The following SMYD3 variants were observed in gnomAD, a reference collection of about 807,000 sequenced individuals.
The protein encoded by SMYD3 is histone-lysine N-methyltransferase SMYD3.
SMYD3 carries 36 observed loss-of-function variants against 57.7 expected under a neutral mutation model. The ratio of observed to expected loss-of-function variants is 0.62; its 90% confidence interval spans 0.48 to 0.82. SMYD3 has a LOEUF of 0.82. Ranked by LOEUF, SMYD3 falls within the 40% of genes least tolerant of loss-of-function variation. The pLI is 0.00. For synonymous variants in SMYD3, 211 were observed against 195.0 expected (o/e 1.08, Z -0.68); for missense variants, 515 against 538.8 (o/e 0.96, Z 0.44).
chr1:245,762,731 G>A (rs1364651522), intron 11 of SMYD3, among the ~76,000 whole-genome samples: 1 of 152,226 alleles, frequency 6.6e-6, no homozygotes, highest in African/African-American at 2.4e-5. Context: ...TGTGGAATCT[G>A]GCTTTTAAGA....
intron 5 of SMYD3, among the ~76,000 whole-genome samples, chr1:245,953,048 G>C (rs529866702): frequency 6.6e-6 from 1 of 152,270 alleles, no homozygotes; most frequent in South Asian, 2.1e-4. Flanking sequence ...GAGGCTCTAA[G>C]AATCTAAAAG....
chr1:246,319,903 T>C (rs1572375475), intron 5 of SMYD3, among the ~76,000 whole-genome samples: 1 of 152,320 alleles, frequency 6.6e-6, no homozygotes, highest in Non-Finnish European at 1.5e-5. Flanking sequence ...TTTCCCTCCA[T>C]GCTGATTTAT....
At chr1:246,243,007 G>A (rs961790605) in intron 5 of SMYD3, among the ~76,000 whole-genome samples, 3 of 152,122 alleles carry the variant, frequency 2.0e-5, no homozygotes, top group African/African-American at 7.2e-5. Context: ...AATAATGGGA[G>A]ACATTAACGC....
intron 5 of SMYD3, among the ~76,000 whole-genome samples, chr1:245,981,597 A>G (rs1398490629): frequency 6.6e-6 from 1 of 152,242 alleles, no homozygotes; most frequent in African/African-American, 2.4e-5. Flanking sequence ...ATAAATACAA[A>G]TGCTCAAGGT....
At chr1:246,018,176 T>A (rs2148216836) in intron 5 of SMYD3, among the ~76,000 whole-genome samples, 1 of 152,256 alleles carries the variant, frequency 6.6e-6, no homozygotes, top group South Asian at 2.1e-4. Flanking sequence ...AAGATCTGCA[T>A]CTATGTTTAT....
At chr1:245,789,745 G>T (rs972829686) in intron 10 of SMYD3, among the ~76,000 whole-genome samples, 10 of 152,128 alleles carry the variant, frequency 6.6e-5, no homozygotes, top group Admixed American at 5.2e-4. Flanking sequence ...CCAAAACATT[G>T]TTGGGACAAA....
chr1:246,060,887 T>C (rs1158565550), intron 5 of SMYD3, among the ~76,000 whole-genome samples: 1 of 152,228 alleles, frequency 6.6e-6, no homozygotes, highest in Non-Finnish European at 1.5e-5. Flanking sequence ...TTCCTTTTCA[T>C]TCCTAACAGA....
intron 1 of SMYD3, among the ~76,000 whole-genome samples, chr1:246,490,001 CTTTTTTTTT>C (rs71968916): frequency 9.7e-5 from 9 of 92,312 alleles, no homozygotes; most frequent in African/African-American, 3.2e-4. Context: ...TAATTTTTTC[CTTTTTTTTT>C]TTTTTTTTTT....
chr1:246,403,158 G>A (rs1224916127), intron 1 of SMYD3, among the ~76,000 whole-genome samples: 1 of 152,114 alleles, frequency 6.6e-6, no homozygotes, highest in Non-Finnish European at 1.5e-5. Flanking sequence ...CCTGACTAAT[G>A]GAAAATTACT....
chr1:246,155,338 G>T (rs1464975886), intron 5 of SMYD3, among the ~76,000 whole-genome samples: 1 of 152,152 alleles, frequency 6.6e-6, no homozygotes, highest in Non-Finnish European at 1.5e-5. Context: ...ACAGCCAAGA[G>T]AAAGCAGATA....
At chr1:246,205,604 G>A (rs1373998952) in intron 5 of SMYD3, among the ~76,000 whole-genome samples, 1 of 152,216 alleles carries the variant, frequency 6.6e-6, no homozygotes, top group Admixed American at 6.5e-5. Flanking sequence ...GACAGATCGT[G>A]AGGTCAGGAG....
intron 5 of SMYD3, among the ~76,000 whole-genome samples, chr1:245,970,395 G>A (rs896341018): frequency 6.6e-6 from 1 of 152,130 alleles, no homozygotes; most frequent in African/African-American, 2.4e-5. Context: ...CAGGACATAG[G>A]CATGGGCAAG....
chr1:246,136,588 T>C (rs568657603), intron 5 of SMYD3, among the ~76,000 whole-genome samples: 101 of 152,282 alleles, frequency 6.6e-4, no homozygotes, highest in African/African-American at 2.2e-3. Flanking sequence ...GCTGAGACAA[T>C]GTACAGCATG....
At chr1:245,769,588 G>A (rs1054492829) in intron 10 of SMYD3, among the ~76,000 whole-genome samples, 1 of 152,186 alleles carries the variant, frequency 6.6e-6, no homozygotes. Context: ...AGCCAAATAC[G>A]AGGTGCAGAC....
intron 5 of SMYD3, chr1:245,955,857 A>G (rs1034968438): frequency 9.8e-6 from 8 of 818,486 alleles, no homozygotes; most frequent in Non-Finnish European, 1.2e-5. Context: ...TGCATTGATG[A>G]TTTTGCAATT....
intron 4 of SMYD3, among the ~76,000 whole-genome samples, chr1:246,327,677 T>C (rs183866073): frequency 2.4e-3 from 362 of 152,350 alleles, no homozygotes; most frequent in African/African-American, 8.0e-3. Context: ...TCAGTTCTTA[T>C]TAAGTCAGTA....
intron 5 of SMYD3, among the ~76,000 whole-genome samples, chr1:246,238,555 C>T (rs1044914555): frequency 6.6e-6 from 1 of 152,148 alleles, no homozygotes; most frequent in African/African-American, 2.4e-5. Context: ...TGTGGAACAG[C>T]TCCACAGGGG....
intron 5 of SMYD3, among the ~76,000 whole-genome samples, chr1:246,095,518 G>C (rs554203966): frequency 1.1e-4 from 17 of 152,310 alleles, no homozygotes; most frequent in Admixed American, 1.1e-3. Flanking sequence ...ATTCAAAGAA[G>C]ACTGCACAAA....
chr1:246,443,309 C>T (rs1246005626), intron 1 of SMYD3, among the ~76,000 whole-genome samples: 1 of 152,134 alleles, frequency 6.6e-6, no homozygotes, highest in Non-Finnish European at 1.5e-5. Context: ...ACCAACTTAC[C>T]TAATGGAATT....
Sources: gnomAD v4.1 joint callset for allele counts (sites outside exome capture counted in the v4.1 genomes callset) on GRCh38, gnomAD v4.1.1 for gene constraint, MANE v1.5 for transcripts, NCBI Gene and HGNC (gene_info 2026-07-23, HGNC 2026-07-21) for gene names.